The following ROBO2 variants were observed in gnomAD, a reference collection of about 807,000 sequenced individuals.
The protein encoded by ROBO2 is roundabout homolog 2.
ROBO2 carries 53 observed loss-of-function variants against 160.8 expected under a neutral mutation model. That is an observed-to-expected ratio of 0.33 (90% confidence interval 0.26 to 0.41). The LOEUF (loss-of-function observed/expected upper bound fraction) is 0.41. Ranked by LOEUF, ROBO2 falls within the 10% of genes least tolerant of loss-of-function variation. The pLI is 1.00. For synonymous variants in ROBO2, 664 were observed against 611.7 expected (o/e 1.09, Z -1.26); for missense variants, 1,577 against 1,722.4 (o/e 0.92, Z 1.49).
chr3:77,388,141 TACACAC>T (rs60937023), intron 2 of ROBO2, among the ~76,000 whole-genome samples: 27 of 147,012 alleles, frequency 1.8e-4, no homozygotes, highest in South Asian at 1.5e-3. Context: ...GATTCACACA[TACACAC>T]ACACACACAC....
chr3:76,752,569 C>T (rs2060737358), intron 2 of ROBO2, among the ~76,000 whole-genome samples: 2 of 145,088 alleles, frequency 1.4e-5, no homozygotes, highest in South Asian at 4.4e-4. Context: ...AGGACTAAGA[C>T]TAAAGCAGTC....
At chr3:77,389,009 A>G (rs957298967) in intron 2 of ROBO2, among the ~76,000 whole-genome samples, 1 of 152,244 alleles carries the variant, frequency 6.6e-6, no homozygotes, top group Non-Finnish European at 1.5e-5. Context: ...CAATAGCACA[A>G]TCTTGGCTCA....
chr3:76,114,057 T>C (rs1418116802), intron 2 of ROBO2, among the ~76,000 whole-genome samples: 5 of 152,194 alleles, frequency 3.3e-5, no homozygotes, highest in Non-Finnish European at 5.9e-5. Flanking sequence ...TGAAGAACCA[T>C]GAACAAAATA....
intron 2 of ROBO2, among the ~76,000 whole-genome samples, chr3:76,112,463 GT>G (rs1377229343): frequency 6.6e-6 from 1 of 151,908 alleles, no homozygotes; most frequent in Non-Finnish European, 1.5e-5. Context: ...TTATCCTTGG[GT>G]TTTTAGGCTT....
chr3:76,116,385 A>G (rs951062555), intron 2 of ROBO2, among the ~76,000 whole-genome samples: 1 of 152,176 alleles, frequency 6.6e-6, no homozygotes, highest in Non-Finnish European at 1.5e-5. Flanking sequence ...ATAAATTAAC[A>G]TATGTAACTG....
At chr3:76,034,886 G>A (rs2067052002) in intron 2 of ROBO2, among the ~76,000 whole-genome samples, 1 of 152,086 alleles carries the variant, frequency 6.6e-6, no homozygotes, top group Non-Finnish European at 1.5e-5. Flanking sequence ...GTCTGGGTGA[G>A]GCCTGCAAGG....
intron 2 of ROBO2, among the ~76,000 whole-genome samples, chr3:76,971,355 AT>A (rs1436116740): frequency 1.3e-5 from 2 of 152,034 alleles, no homozygotes; most frequent in African/African-American, 4.8e-5. Flanking sequence ...AAACATTTCC[AT>A]TTTTTTCTAA....
At chr3:77,121,383 T>C (rs2074750326) in intron 2 of ROBO2, among the ~76,000 whole-genome samples, 1 of 152,168 alleles carries the variant, frequency 6.6e-6, no homozygotes, top group Non-Finnish European at 1.5e-5. Flanking sequence ...TGGTTGAAAC[T>C]GAGTGGGGAA....
chr3:76,849,401 G>A (rs929357080), intron 2 of ROBO2, among the ~76,000 whole-genome samples: 3 of 152,080 alleles, frequency 2.0e-5, no homozygotes, highest in African/African-American at 4.8e-5. Flanking sequence ...TCCCTTTCAT[G>A]ACCCCATTTG....
intron 2 of ROBO2, among the ~76,000 whole-genome samples, chr3:76,965,444 T>C (rs2079994401): frequency 1.3e-5 from 2 of 152,198 alleles, no homozygotes. Flanking sequence ...TCAGCTCTTA[T>C]TCCCCAATTG....
intron 1 of ROBO2, among the ~76,000 whole-genome samples, chr3:75,926,159 A>C (rs903335814): frequency 6.6e-6 from 1 of 152,184 alleles, no homozygotes; most frequent in African/African-American, 2.4e-5. Context: ...CAAGGAATCA[A>C]ATTTCCTTTT....
chr3:76,937,337 C>T (rs952381303), intron 2 of ROBO2, among the ~76,000 whole-genome samples: 4 of 126,910 alleles, frequency 3.2e-5, no homozygotes, highest in African/African-American at 8.8e-5. Flanking sequence ...GAAATAACTT[C>T]CAGGGTTTTT....
At chr3:77,531,993 T>C (rs994797741) in intron 6 of ROBO2, among the ~76,000 whole-genome samples, 11 of 152,126 alleles carry the variant, frequency 7.2e-5, no homozygotes, top group East Asian at 1.9e-4. Context: ...TTTGATTAAA[T>C]GGTAAGTTTA....
At chr3:77,600,436 C>A (rs910505521) in intron 19 of ROBO2, among the ~76,000 whole-genome samples, 1 of 152,100 alleles carries the variant, frequency 6.6e-6, no homozygotes, top group Non-Finnish European at 1.5e-5. Flanking sequence ...ATTTCCAGAG[C>A]CATAGCATTA....
At chr3:77,040,211 T>C in exon 1 of ROBO2, 1 of 986,612 alleles carries the variant, frequency 1.0e-6, no homozygotes, top group Non-Finnish European at 1.2e-6. Flanking sequence ...GCCCGCCAAG[T>C]CTGCCCGCCT....
chr3:76,249,787 A>T (rs1705873023), intron 2 of ROBO2, among the ~76,000 whole-genome samples: 1 of 152,122 alleles, frequency 6.6e-6, no homozygotes, highest in Admixed American at 6.6e-5. Context: ...ATTTGCAAAG[A>T]TGGACTTTCC....
chr3:77,589,018 T>G, intron 17 of ROBO2, 85 bp downstream of exon 18: 24 of 1,507,580 alleles, frequency 1.6e-5, no homozygotes, highest in Non-Finnish European at 2.1e-5. Context: ...GAATAACAAA[T>G]GAGTGATTTG....
upstream of ROBO2, among the ~76,000 whole-genome samples, chr3:77,037,633 G>A (rs566421033): frequency 6.6e-5 from 10 of 152,218 alleles, no homozygotes; most frequent in Admixed American, 4.6e-4. Flanking sequence ...GGCTGATCTC[G>A]CCCAATCTAT....
At chr3:76,128,145 C>T (rs999292006) in intron 2 of ROBO2, among the ~76,000 whole-genome samples, 7 of 151,632 alleles carry the variant, frequency 4.6e-5, no homozygotes, top group African/African-American at 1.5e-4. Context: ...CCACCCACCT[C>T]GGCCTCCCAA....
Sources: gnomAD v4.1 joint callset for allele counts (sites outside exome capture counted in the v4.1 genomes callset) on GRCh38, gnomAD v4.1.1 for gene constraint, MANE v1.5 for transcripts, NCBI Gene and HGNC (gene_info 2026-07-23, HGNC 2026-07-21) for gene names.